NTNG1: variants seen among roughly 807,000 people sequenced by gnomAD.
The protein encoded by NTNG1 is netrin-G1.
NTNG1 carries 16 observed loss-of-function variants against 54.0 expected under a neutral mutation model. The ratio of observed to expected loss-of-function variants is 0.30; its 90% confidence interval spans 0.20 to 0.45. NTNG1 has a LOEUF of 0.45. Ranked by LOEUF, NTNG1 falls within the 20% of genes least tolerant of loss-of-function variation. NTNG1 has a pLI of 1.00. For synonymous variants in NTNG1, 255 were observed against 263.1 expected (o/e 0.97, Z 0.30); for missense variants, 530 against 678.7 (o/e 0.78, Z 2.43).
At chr1:107,304,007 G>C (rs1314972140) in intron 2 of NTNG1, among the ~76,000 whole-genome samples, 1 of 147,720 alleles carries the variant, frequency 6.8e-6, no homozygotes, top group Non-Finnish European at 1.5e-5. Context: ...TTGAACCCCT[G>C]CCTCTTTTCA....
intron 7 of NTNG1, among the ~76,000 whole-genome samples, chr1:107,460,844 AG>A (rs1187252458): frequency 6.6e-6 from 1 of 152,174 alleles, no homozygotes; most frequent in Non-Finnish European, 1.5e-5. Flanking sequence ...ATTTAACTCT[AG>A]AGGGTCTGGC....
intron 2 of NTNG1, among the ~76,000 whole-genome samples, chr1:107,309,591 C>G (rs1228976608): frequency 1.3e-5 from 2 of 152,060 alleles, no homozygotes; most frequent in Non-Finnish European, 2.9e-5. Flanking sequence ...CTTTGTATGC[C>G]CACTACTGGC....
intron 2 of NTNG1, among the ~76,000 whole-genome samples, chr1:107,263,720 T>C: frequency 6.6e-6 from 1 of 152,236 alleles, no homozygotes; most frequent in East Asian, 1.9e-4. Context: ...ATCCCAGATA[T>C]TCCCTTTGGG....
chr1:107,158,530 A>G (rs771036220), intron 2 of NTNG1, among the ~76,000 whole-genome samples: 5 of 152,166 alleles, frequency 3.3e-5, no homozygotes, highest in African/African-American at 9.6e-5. Context: ...GTTGATGTCC[A>G]TTGAGAAGTC....
chr1:107,311,280 G>A (rs139720752), intron 2 of NTNG1, among the ~76,000 whole-genome samples: 1 of 152,264 alleles, frequency 6.6e-6, no homozygotes, highest in East Asian at 1.9e-4. Context: ...TCCTGAGAAC[G>A]CAGAAGGATG....
chr1:107,243,589 C>A lies in NTNG1; in HGVS notation c.247-80693C>A, dbSNP rs76958059. Among the ~76,000 whole-genome samples the A allele has an allele frequency of 5.9e-4, 90 of 152,204 alleles. 2 individuals carry two copies. The East Asian group carries it at 0.016, about 27-fold the overall frequency. ...TTTCGTTTTTTGAGATGGGCTTTCA[C>A]TGTATTGCCCTGGCTAGAGCGCACC... On this transcript the variant is annotated intron_variant, in intron 2 of 7. Coordinates refer to ENST00000370068, the MANE Select transcript of NTNG1 (RefSeq NM_001113226.3).
intron 2 of NTNG1, among the ~76,000 whole-genome samples, chr1:107,235,580 T>A (rs949982592): frequency 6.6e-6 from 1 of 152,200 alleles, no homozygotes; most frequent in Non-Finnish European, 1.5e-5. Flanking sequence ...GAAGCTTCCA[T>A]CATTGCTGTG....
At chr1:107,312,569 T>C (rs1667077905) in intron 2 of NTNG1, among the ~76,000 whole-genome samples, 1 of 152,150 alleles carries the variant, frequency 6.6e-6, no homozygotes, top group Non-Finnish European at 1.5e-5. Flanking sequence ...CCCAGAGCCA[T>C]GCCTCTTAAC....
intron 2 of NTNG1, among the ~76,000 whole-genome samples, chr1:107,213,848 T>G (rs1659763262): frequency 1.3e-5 from 2 of 152,272 alleles, no homozygotes; most frequent in South Asian, 4.1e-4. Flanking sequence ...TTCATTCACA[T>G]TTTTGCATGC....
At chr1:107,208,365 G>A (rs1169631689) in intron 2 of NTNG1, among the ~76,000 whole-genome samples, 1 of 151,238 alleles carries the variant, frequency 6.6e-6, no homozygotes, top group African/African-American at 2.4e-5. Flanking sequence ...GGAAGGCGGA[G>A]GTTGCAGTGA....
intron 2 of NTNG1, among the ~76,000 whole-genome samples, chr1:107,221,321 T>C (rs952692455): frequency 9.2e-5 from 14 of 152,134 alleles, no homozygotes; most frequent in Non-Finnish European, 1.9e-4. Flanking sequence ...GAGACCACAC[T>C]CCTACAGGCA....
chr1:107,342,668 A>G (rs1215030805), intron 3 of NTNG1, among the ~76,000 whole-genome samples: 1 of 152,136 alleles, frequency 6.6e-6, no homozygotes, highest in African/African-American at 2.4e-5. Context: ...TGTTAACCCC[A>G]ACATTACTAA....
intron 2 of NTNG1, among the ~76,000 whole-genome samples, chr1:107,227,308 G>C (rs1279107754): frequency 6.6e-6 from 1 of 152,096 alleles, no homozygotes; most frequent in Non-Finnish European, 1.5e-5. Flanking sequence ...TGGCACCCAG[G>C]ATACAGTGCA....
intron 7 of NTNG1, among the ~76,000 whole-genome samples, chr1:107,439,114 A>G (rs1675795352): frequency 1.3e-5 from 2 of 152,174 alleles, no homozygotes; most frequent in East Asian, 1.9e-4. Context: ...ATCAGAGCTC[A>G]ATAAGAGGAA....
intron 2 of NTNG1, among the ~76,000 whole-genome samples, chr1:107,292,213 T>A (rs570260705): frequency 3.9e-5 from 6 of 152,174 alleles, no homozygotes; most frequent in Non-Finnish European, 1.5e-5. Context: ...GAAATACCAG[T>A]GTTGCCAGTG....
intron 2 of NTNG1, among the ~76,000 whole-genome samples, chr1:107,260,296 G>A (rs1417974461): frequency 6.6e-6 from 1 of 152,138 alleles, no homozygotes; most frequent in African/African-American, 2.4e-5. Context: ...AGGCTTTGGC[G>A]AATGGAGAAA....
intron 7 of NTNG1, among the ~76,000 whole-genome samples, chr1:107,440,140 G>A (rs1384430920): frequency 1.3e-5 from 2 of 152,046 alleles, no homozygotes; most frequent in South Asian, 4.1e-4. Flanking sequence ...AGGCATTTAG[G>A]TAGGCACTGC....
chr1:107,413,548 C>A (rs542280828), intron 5 of NTNG1, among the ~76,000 whole-genome samples: 2 of 152,182 alleles, frequency 1.3e-5, no homozygotes, highest in East Asian at 3.9e-4. Flanking sequence ...TTATCTCCAC[C>A]AGATAGTTTC....
chr1:107,458,634 A>G (rs549820383), intron 7 of NTNG1, among the ~76,000 whole-genome samples: 1 of 152,212 alleles, frequency 6.6e-6, no homozygotes, highest in Non-Finnish European at 1.5e-5. Context: ...TCATGAAACA[A>G]TTATTCAAAA....
Sources: gnomAD v4.1 joint callset for allele counts (sites outside exome capture counted in the v4.1 genomes callset) on GRCh38, gnomAD v4.1.1 for gene constraint, MANE v1.5 for transcripts, NCBI Gene and HGNC (gene_info 2026-07-23, HGNC 2026-07-21) for gene names.